PAICS: variants seen among roughly 807,000 people sequenced by gnomAD.
PAICS encodes the protein bifunctional phosphoribosylaminoimidazole carboxylase/phosphoribosylaminoimidazole succinocarboxamide synthetase.
A neutral mutation model predicts 53.7 loss-of-function variants in PAICS; 33 were observed. The ratio of observed to expected loss-of-function variants is 0.61; its 90% CI spans 0.47 to 0.82. PAICS has a LOEUF of 0.82. PAICS is among the 40% of genes least tolerant of loss of function. The pLI is 0.00. For synonymous variants in PAICS, 141 were observed against 167.2 expected (o/e 0.84, Z 1.21); for missense variants, 394 against 494.1 (o/e 0.80, Z 1.92).
At chr4:56,447,883 A>G (rs1333441240) in intron 3 of PAICS, among the ~76,000 whole-genome samples, 1 of 152,050 alleles carries the variant, frequency 6.6e-6, no homozygotes, top group Non-Finnish European at 1.5e-5. Flanking sequence ...AAATTTCTTT[A>G]GATGTCTCAT....
the PAICS span, among the ~76,000 whole-genome samples, chr4:56,427,283 T>A: frequency 6.6e-6 from 1 of 152,196 alleles, no homozygotes; most frequent in Non-Finnish European, 1.5e-5. Flanking sequence ...TTGTGTTTAA[T>A]TTTTTTAGGA....
rs556463928 is a variant in PAICS, at chr4:56,442,652, G to C, written c.214+792G>C. On this transcript the variant is annotated intron_variant, in intron 2 of 8. Coordinates refer to ENST00000512576, the MANE Select transcript of PAICS (RefSeq NM_001079524.2). ...ACGAAACCTTACCTATGAAATAAAA[G>C]CTTTTTCTTTATCATTCTTGCCAAT... is the stretch of plus-strand genomic sequence containing the variant. Among the ~76,000 whole-genome samples, 13 of 152,198 alleles carry C rather than the reference G, an allele frequency of 8.5e-5. 1 individual carries two copies. The South Asian group carries it at 2.7e-3, about 32-fold the overall frequency.
At chr4:56,420,034 G>A in the PAICS span, 1 of 979,848 alleles carries the variant, frequency 1.0e-6, no homozygotes, top group Non-Finnish European at 1.2e-6. Flanking sequence ...GTAAAAATGG[G>A]AGAGGACCAG....
chr4:56,460,420 ATCC>A lies in PAICS; in HGVS notation c.*885_*887del, dbSNP rs1719449732. 6.6e-6 allele frequency: 1 copy of A among 152,140 alleles called. No individual in the cohort carries two copies. The highest frequency in any genetic ancestry group is 2.1e-4 in the South Asian group (1 of 4,830). The allele number at this position is 152,140 out of a possible 1,614,324, so 9.4% of individuals were successfully genotyped here. A position where few individuals can be genotyped will look rare whatever the true frequency, so the allele number is the denominator to read the frequency against. On this transcript the variant is annotated 3_prime_UTR_variant, in exon 9 of 9. Transcript: ENST00000512576. ...TAACCCTTGAATTTACCGTCTTCTC[ATCC>A]TCTGTACAAAAGCCTCAAGTGAGGG... is the stretch of plus-strand genomic sequence containing the variant.
At chr4:56,449,812 A>T (rs1718807508) in intron 5 of PAICS, among the ~76,000 whole-genome samples, 1 of 151,238 alleles carries the variant, frequency 6.6e-6, no homozygotes, top group African/African-American at 2.4e-5. Flanking sequence ...TCTCAAAAAA[A>T]AAAAAAAAAA....
the PAICS span, chr4:56,428,916 TC>T: frequency 1.3e-6 from 1 of 798,440 alleles, no homozygotes; most frequent in African/African-American, 1.9e-5. Context: ...ACATAATGAT[TC>T]TTTTCCTGTG....
At position 56,464,474 on chromosome 4, in the gene PAICS, C is replaced by T. The variant is rs1719616047; in HGVS notation, c.*4936C>T. 1 of 152,196 alleles carries T rather than the reference C, an allele frequency of 6.6e-6. No individual in the cohort carries two copies. The allele number at this position is 152,196 out of a possible 1,614,324, so 9.4% of individuals were successfully genotyped here. A position where few individuals can be genotyped will look rare whatever the true frequency, so the allele number is the denominator to read the frequency against. ...TCTCCACAGTCTATACTCAATCTCT[C>T]TTACCTTTCCATAATTTTCTTCAGC... On this transcript the variant is annotated 3_prime_UTR_variant, in exon 9 of 9. Coordinates refer to ENST00000512576, the MANE Select transcript of PAICS (RefSeq NM_001079524.2).
the PAICS span, among the ~76,000 whole-genome samples, chr4:56,411,388 C>G: frequency 6.6e-6 from 1 of 152,166 alleles, no homozygotes; most frequent in African/African-American, 2.4e-5. Flanking sequence ...TATTTCATTA[C>G]TTGTTTACAA....
intron 6 of PAICS, among the ~76,000 whole-genome samples, chr4:56,451,386 T>C (rs1718910927): frequency 6.6e-6 from 1 of 152,196 alleles, no homozygotes; most frequent in African/African-American, 2.4e-5. Context: ...GGTATTACTA[T>C]AATTCTGGGA....
At chr4:56,426,115 C>T in the PAICS span, among the ~76,000 whole-genome samples, 4 of 152,096 alleles carry the variant, frequency 2.6e-5, no homozygotes, top group African/African-American at 9.7e-5. Flanking sequence ...AAAGAAATCC[C>T]GTATCTGCCA....
Position 56,448,577 on chromosome 4 carries a change from T to C in PAICS, c.553T>C (p.Cys185Arg). ...GGAGAAATCCTGGTTGCCCCAGAATTGTACACTGGTTGATATGAAGGTACA... is the reference window on the plus strand; with the variant it reads ...GGAGAAATCCTGGTTGCCCCAGAATCGTACACTGGTTGATATGAAGGTACA... ...ILEKSWLPQN[C>R]TLVDMKIEFG... Residue 185 changes from cysteine to arginine, a missense_variant, in exon 4 of 9, where the codon TGT (cysteine) becomes CGT (arginine). Physicochemically the swap from Cys to Arg is radical, Grantham distance 180 (BLOSUM62 -3). Transcript: ENST00000512576. 2 of 1,603,182 alleles carry C rather than the reference T, an allele frequency of 1.2e-6. No individual in the cohort carries two copies. Among genetic ancestry groups the C allele is most frequent in the African/African-American group, 1.3e-5 (1 of 74,830 alleles).
rs566257383 is a variant in PAICS at position 56,437,610 on chromosome 4, C to G, written c.16+1282C>G. Among the ~76,000 whole-genome samples the G allele has an allele frequency of 2.5e-4, 38 of 151,834 alleles. 1 individual carries two copies. Among genetic ancestry groups the G allele is most frequent in the African/African-American group, 9.2e-4 (38 of 41,404 alleles). On this transcript the variant is annotated intron_variant, in intron 1 of 8. Transcript: ENST00000512576. ...GTCCCAGGCGGGCGGATCACGAGGT[C>G]AGGAGATCGAGATCATCCTGACCAA... is the stretch of plus-strand genomic sequence containing the variant.
chr4:56,454,907 C>T (rs1214011433), intron 8 of PAICS, among the ~76,000 whole-genome samples: 1 of 151,950 alleles, frequency 6.6e-6, no homozygotes, highest in Non-Finnish European at 1.5e-5. Context: ...CCTGTCATCC[C>T]AGCACTTTGG....
chr4:56,430,030 G>A, the PAICS span, among the ~76,000 whole-genome samples: 1 of 152,150 alleles, frequency 6.6e-6, no homozygotes, highest in Non-Finnish European at 1.5e-5. Context: ...GGAGGCCAAG[G>A]CAGGAGGATC....
chr4:56,446,020 G>GTTGGA (rs10655972), intron 2 of PAICS, among the ~76,000 whole-genome samples: 55,394 of 151,504 alleles, frequency 0.37, 11,347 homozygotes, highest in East Asian at 0.66. Flanking sequence ...TACCTGTTTT[G>GTTGGA]TTGATCTTAA....
the PAICS span, among the ~76,000 whole-genome samples, chr4:56,429,175 G>A: frequency 6.6e-6 from 1 of 152,190 alleles, no homozygotes; most frequent in Admixed American, 6.5e-5. Context: ...ATAGCTCACT[G>A]AGTGAAAGTT....
intron 8 of PAICS, among the ~76,000 whole-genome samples, chr4:56,456,578 T>G (rs942805047): frequency 6.6e-6 from 1 of 152,006 alleles, no homozygotes; most frequent in Non-Finnish European, 1.5e-5. Context: ...CTGGTTAATT[T>G]TTTTACTTTT....
chr4:56,436,176 C>A (rs1717931977), upstream of PAICS: 1 of 1,504,636 alleles, frequency 6.6e-7, no homozygotes, highest in Non-Finnish European at 8.9e-7. Flanking sequence ...GCGGCTGTAG[C>A]GGAGCTCGAA....
At position 56,438,382 on chromosome 4, in the gene PAICS, T is replaced by TATATATATATATATATATATATATAA. The variant is rs1465471007; in HGVS notation, c.16+2075_16+2076insTATAAATATATATATATATATATATA. Among the ~76,000 whole-genome samples the TATATATATATATATATATATATATAA allele has an allele frequency of 7.4e-5, 5 of 67,708 alleles. No homozygotes were observed. In the Admixed American group the frequency reaches 1.1e-3, roughly 15 times the overall value. The allele number at this position is 67,708 out of a possible 152,430, so 44.4% of individuals were successfully genotyped here. ...CTGGTGCAATGTGTTTATATATATA[T>TATATATATATATATATATATATATAA]ATATATATATATATATATATAAAAG... On this transcript the variant is annotated intron_variant, in intron 1 of 8. Coordinates refer to ENST00000512576, the MANE Select transcript of PAICS (RefSeq NM_001079524.2).
Sources: gnomAD v4.1 joint callset for allele counts (sites outside exome capture counted in the v4.1 genomes callset) on GRCh38, gnomAD v4.1.1 for gene constraint, MANE v1.5 for transcripts, NCBI Gene and HGNC (gene_info 2026-07-23, HGNC 2026-07-21) for gene names.